TMPRSS15: variants seen among roughly 807,000 people sequenced by gnomAD.
TMPRSS15 encodes transmembrane serine protease 15.
A neutral mutation model predicts 125.3 loss-of-function variants in TMPRSS15; 128 were observed. That is an observed-to-expected ratio of 1.02 (90% CI 0.89 to 1.18). The LOEUF is 1.18. Ranked by LOEUF, TMPRSS15 falls within the 50% of genes most tolerant of loss-of-function variation. TMPRSS15 has a pLI of 0.00. For missense variants in TMPRSS15, 1,283 were observed against 1,212.7 expected, an observed-to-expected ratio of 1.06 and a Z score of -0.86; for synonymous variants, 446 against 423.2, an observed-to-expected ratio of 1.05 and a Z score of -0.66.
chr21:18,285,878 AG>A (rs1395569476), intron 21 of TMPRSS15, among the ~76,000 whole-genome samples: 10 of 152,236 alleles, frequency 6.6e-5, no homozygotes, highest in African/African-American at 2.4e-4. Context: ...GTAGGCAACA[AG>A]AATATGTTTA....
intron 10 of TMPRSS15, among the ~76,000 whole-genome samples, chr21:18,351,336 G>C (rs1412790910): frequency 6.6e-6 from 1 of 152,176 alleles, no homozygotes; most frequent in East Asian, 1.9e-4. Flanking sequence ...AATTTTGCAT[G>C]TTAATTACAT....
chr21:18,337,755 T>C (rs1207906674), intron 13 of TMPRSS15, among the ~76,000 whole-genome samples: 1 of 152,206 alleles, frequency 6.6e-6, no homozygotes, highest in Non-Finnish European at 1.5e-5. Flanking sequence ...GAAAGGCTAT[T>C]AGCCAGTCAG....
chr21:18,270,267 C>CTT lies in TMPRSS15; in HGVS notation c.2905-145_2905-144dup. On this transcript the variant is annotated intron_variant, in intron 24 of 24. Transcript: ENST00000284885. ...TGCAAGTCATCTGTATATATTCTCA[C>CTT]TTTCACTCTAAGTCAGGAATGAGAA... The CTT allele has an allele frequency of 1.1e-5, 7 of 658,834 alleles. No homozygotes were observed. The South Asian group carries it at 1.2e-4, about 12-fold the overall frequency. 40.8% of individuals were successfully genotyped at this position (658,834 alleles called of 1,614,324 possible).
At chr21:18,334,095 G>A (rs2075369157) in intron 13 of TMPRSS15, among the ~76,000 whole-genome samples, 2 of 152,192 alleles carry the variant, frequency 1.3e-5, no homozygotes, top group South Asian at 4.1e-4. Flanking sequence ...AGTGTTGATA[G>A]CCATACCCTC....
chr21:18,326,535 G>A lies in TMPRSS15; in HGVS notation c.1818C>T (p.Phe606=), dbSNP rs1353192779. 6.2e-7 allele frequency: 1 copy of A among 1,614,144 alleles called. No homozygotes were observed. The highest frequency in any genetic ancestry group is 2.2e-5 in the East Asian group (1 of 44,882). The change falls in exon 16 of 25, where the codon TTC becomes TTT. Residue 606 remains phenylalanine, a synonymous_variant. Transcript: ENST00000284885. The stretch of plus-strand genomic sequence containing the variant: ...GCACAGTCATTCTGTTGGTGGTAGA[G>A]AACACATCCTTTACTGGGCCAGGCC... ...YTGPGPVKDV[F]STTNRMTVLL... is the part of the protein sequence containing the mutation.
At chr21:18,353,181 T>C in intron 9 of TMPRSS15, 129 bp from the exon 10 acceptor site, 1 of 849,006 alleles carries the variant, frequency 1.2e-6, no homozygotes, top group Non-Finnish European at 1.8e-6. Flanking sequence ...AATCATTATT[T>C]TTTATTGATC....
At chr21:18,386,380 T>C (rs1360236214) in intron 3 of TMPRSS15, among the ~76,000 whole-genome samples, 1 of 152,160 alleles carries the variant, frequency 6.6e-6, no homozygotes, top group Non-Finnish European at 1.5e-5. Context: ...TCTGAACTAT[T>C]TATCAGCAGG....
At chr21:18,270,813 C>T (rs1261252418) in intron 24 of TMPRSS15, among the ~76,000 whole-genome samples, 1 of 152,034 alleles carries the variant, frequency 6.6e-6, no homozygotes, top group Admixed American at 6.6e-5. Context: ...CTGTGTAATG[C>T]AATGATAATA....
At chr21:18,285,717 C>T (rs1311324784) in intron 21 of TMPRSS15, among the ~76,000 whole-genome samples, 5 of 152,056 alleles carry the variant, frequency 3.3e-5, no homozygotes, top group East Asian at 1.9e-4. Flanking sequence ...ATAACACTGG[C>T]GAAGTTTTAG....
intron 22 of TMPRSS15, 27 bp downstream of exon 22, chr21:18,281,013 T>C (rs765485138): frequency 4.4e-6 from 7 of 1,602,638 alleles, no homozygotes; most frequent in Non-Finnish European, 5.9e-6. Context: ...GCAGATAAGA[T>C]GACTAAGAGT....
chr21:18,291,444 A>G (rs1179896978), intron 21 of TMPRSS15, among the ~76,000 whole-genome samples: 2 of 152,238 alleles, frequency 1.3e-5, no homozygotes, highest in Admixed American at 6.5e-5. Context: ...AGTGTTGATG[A>G]TAAGATTAAA....
At chr21:18,389,819 T>C (rs934787227) in intron 3 of TMPRSS15, among the ~76,000 whole-genome samples, 3 of 152,182 alleles carry the variant, frequency 2.0e-5, no homozygotes, top group African/African-American at 7.2e-5. Flanking sequence ...GTCAGAACTT[T>C]TGTGATGATC....
At chr21:18,326,705 G>A in intron 15 of TMPRSS15, 133 bp from the exon 16 acceptor site, 1 of 914,580 alleles carries the variant, frequency 1.1e-6, no homozygotes, top group Non-Finnish European at 1.7e-6. Context: ...GCAGCCACAA[G>A]TAAATGAACA....
At chr21:18,271,294 A>AAATT (rs2074552485) in intron 24 of TMPRSS15, among the ~76,000 whole-genome samples, 2 of 152,258 alleles carry the variant, frequency 1.3e-5, no homozygotes. Flanking sequence ...TATGACTTGG[A>AAATT]AATTATTAAA....
At chr21:18,326,661 C>G in intron 15 of TMPRSS15, 89 bp from the exon 16 acceptor site, 1 of 1,481,652 alleles carries the variant, frequency 6.7e-7, no homozygotes, top group Non-Finnish European at 9.4e-7. Context: ...CTCTGCCAGA[C>G]GTAGGGCTAC....
intron 23 of TMPRSS15, among the ~76,000 whole-genome samples, chr21:18,276,755 C>CTT (rs372920414): frequency 2.5e-3 from 298 of 121,318 alleles, no homozygotes; most frequent in African/African-American, 4.3e-3. Flanking sequence ...AACTGGGATT[C>CTT]TTTTTTTTTT....
At position 18,332,026 on chromosome 21, in the gene TMPRSS15, G is replaced by C. The variant is rs145109232; in HGVS notation, c.1654+58C>G. 9.0e-6 allele frequency: 13 copies of C among 1,441,012 alleles called. No individual in the cohort carries two copies. The East Asian group carries it at 2.5e-4, about 28-fold the overall frequency. 89.3% of individuals were successfully genotyped at this position (1,441,012 alleles called of 1,614,324 possible). ...ATAATCTACTTTGCTGCGTCAAGGG[G>C]AGATCTACATTTCATATGGACATTT... On this transcript the variant is annotated intron_variant, in intron 14 of 24. Coordinates refer to ENST00000284885, the MANE Select transcript of TMPRSS15 (RefSeq NM_002772.3).
intron 3 of TMPRSS15, among the ~76,000 whole-genome samples, chr21:18,396,773 C>CA (rs766409350): frequency 0.023 from 1,104 of 47,626 alleles, 20 homozygotes; most frequent in African/African-American, 0.035. Flanking sequence ...GACTCTGTCT[C>CA]AAAAAAAAAA....
chr21:18,340,189 A>C (rs1051600640), intron 13 of TMPRSS15, among the ~76,000 whole-genome samples: 1 of 152,164 alleles, frequency 6.6e-6, no homozygotes, highest in Non-Finnish European at 1.5e-5. Flanking sequence ...CAGTCTGGGT[A>C]GGCACAATAT....
Sources: gnomAD v4.1 joint callset for allele counts (sites outside exome capture counted in the v4.1 genomes callset) on GRCh38, gnomAD v4.1.1 for gene constraint, MANE v1.5 for transcripts, NCBI Gene and HGNC (gene_info 2026-07-23, HGNC 2026-07-21) for gene names.